Variants in CD8A observed in about 807,000 individuals in gnomAD.
CD8A encodes T-cell surface glycoprotein CD8 alpha chain.
A neutral mutation model predicts 24.2 loss-of-function variants in CD8A; 25 were observed. The observed-to-expected ratio is 1.03, with a 90% CI of 0.75 to 1.44. The LOEUF is 1.44. Ranked by LOEUF, CD8A falls within the 40% of genes most tolerant of loss-of-function variation. The probability of loss-of-function intolerance (pLI) is 0.00; values close to 1 mark genes in which losing one functional copy is unlikely to be tolerated. For missense variants in CD8A, 360 were observed against 319.7 expected (o/e 1.13, Z -0.96); for synonymous variants, 165 against 149.9 (o/e 1.10, Z -0.74).
At chr2:86,805,368 T>G (rs1266034346) in intron 2 of CD8A, among the ~76,000 whole-genome samples, 1 of 152,170 alleles carries the variant, frequency 6.6e-6, no homozygotes, top group Non-Finnish European at 1.5e-5. Flanking sequence ...TTGTGAGAAA[T>G]GACTGATTCG....
At chr2:86,803,131 G>C (rs1673728499) in intron 2 of CD8A, among the ~76,000 whole-genome samples, 1 of 152,176 alleles carries the variant, frequency 6.6e-6, no homozygotes, top group African/African-American at 2.4e-5. Flanking sequence ...TTGATGTCAA[G>C]TTAAAAGTGA....
exon 2 of CD8A, chr2:86,807,683 C>A (rs1673959199): frequency 6.5e-6 from 1 of 152,796 alleles, no homozygotes; most frequent in Admixed American, 6.5e-5. Flanking sequence ...CGGTCGCGGA[C>A]AGGCGCACGA....
At chr2:86,786,029 T>C (rs186431854) in intron 5 of CD8A, 58 bp from the exon 6 acceptor site, 1 of 1,262,558 alleles carries the variant, frequency 7.9e-7, no homozygotes, top group Non-Finnish European at 1.2e-6. Flanking sequence ...GCAGCATCCA[T>C]CCAGCCACGT....
intron 3 of CD8A, among the ~76,000 whole-genome samples, chr2:86,801,062 T>C (rs1573469914): frequency 6.6e-6 from 1 of 152,256 alleles, no homozygotes; most frequent in African/African-American, 2.4e-5. Context: ...GTGAGAAGCA[T>C]GGAACAAATT....
At chr2:86,792,985 G>A (rs1673361547), upstream of CD8A, among the ~76,000 whole-genome samples, 1 of 152,144 alleles carries the variant, frequency 6.6e-6, no homozygotes, top group South Asian at 2.1e-4. Context: ...AAAGTTCCCT[G>A]TCTCAACTCT....
chr2:86,799,658 C>A (rs566216249), intron 3 of CD8A, among the ~76,000 whole-genome samples: 1 of 151,934 alleles, frequency 6.6e-6, no homozygotes, highest in Non-Finnish European at 1.5e-5. Context: ...CGGGAGGCTG[C>A]GGCAGGAGAA....
chr2:86,808,339 T>G (rs547335786), exon 1 of CD8A: 2 of 151,904 alleles, frequency 1.3e-5, no homozygotes, highest in South Asian at 4.2e-4. Flanking sequence ...GGATCTAGAA[T>G]TCGTAGGGGA....
upstream of CD8A, among the ~76,000 whole-genome samples, chr2:86,793,746 CT>C (rs1318116401): frequency 6.6e-5 from 10 of 152,198 alleles, no homozygotes; most frequent in Admixed American, 6.5e-4. Flanking sequence ...AATCAGGCCC[CT>C]GAGTGTGATG....
rs1387089432 is a variant in CD8A at position 86,804,164 on chromosome 2, T to G, written c.-417-2507A>C. On this transcript the variant is annotated intron_variant, in intron 2 of 8. Coordinates refer to the CD8A transcript ENST00000409511. The stretch of plus-strand genomic sequence containing the variant: ...AATATGTGTGTCTTATACCATGATG[T>G]TGTATATACCTTATATATACACAAT... 2.0e-5 allele frequency among the ~76,000 whole-genome samples: 3 copies of G among 152,346 alleles called. No individual in the cohort carries two copies. The East Asian group carries it at 5.8e-4, about 29-fold the overall frequency.
chr2:86,789,442 A>T lies in CD8A; in HGVS notation c.515-9T>A. The T allele has an allele frequency of 6.2e-7, 1 of 1,600,510 alleles. No individual in the cohort carries two copies. Among genetic ancestry groups the T allele is most frequent in the East Asian group, 2.2e-5 (1 of 44,814 alleles). The stretch of plus-strand genomic sequence containing the variant: ...CAGCCCCCTCGTGTGCACTGACGAC[A>T]CCAAAGACGCCGACATTTAGGAGAG... On this transcript the variant is annotated splice_polypyrimidine_tract_variant and intron_variant, in intron 3 of 5. Coordinates refer to ENST00000283635, the MANE Select transcript of CD8A (RefSeq NM_001768.7).
At chr2:86,792,388 C>T (rs543147326), upstream of CD8A, among the ~76,000 whole-genome samples, 6 of 152,362 alleles carry the variant, frequency 3.9e-5, no homozygotes, top group East Asian at 1.2e-3. Flanking sequence ...ATGATGTGTC[C>T]TCCATCCCCA....
chr2:86,798,501 G>A (rs149820619), intron 3 of CD8A, among the ~76,000 whole-genome samples: 6 of 150,548 alleles, frequency 4.0e-5, no homozygotes, highest in Admixed American at 2.0e-4. Flanking sequence ...TATGCTTCCC[G>A]TTTGCATAAT....
Position 86,790,454 on chromosome 2 carries a change from T to G in CD8A, c.277A>C (p.Arg93=). ...GTGAGGACGAAGGTGTCCCCCAACCTCTTGCCCGAGAACCGCTGGGTGTCC... is the reference window on the plus strand; with the variant it reads ...GTGAGGACGAAGGTGTCCCCCAACCGCTTGCCCGAGAACCGCTGGGTGTCC... ...GLDTQRFSGK[R]LGDTFVLTLS... is the part of the protein sequence containing the mutation. The change falls in exon 2 of 6, where the codon AGG becomes CGG. Residue 93 remains arginine (R), a synonymous_variant. Coordinates refer to ENST00000283635, the MANE Select transcript of CD8A (RefSeq NM_001768.7). 1 of 1,614,048 alleles carries G rather than the reference T, an allele frequency of 6.2e-7. No homozygotes were observed.
At chr2:86,799,628 C>T (rs535484073) in intron 3 of CD8A, among the ~76,000 whole-genome samples, 22 of 152,190 alleles carry the variant, frequency 1.4e-4, no homozygotes, top group Non-Finnish European at 3.2e-4. Flanking sequence ...CGGTGGCGGG[C>T]GCCTGTAGTC....
At position 86,789,675 on chromosome 2, in the gene CD8A, C is replaced by T. The variant is rs750796440; in HGVS notation, c.479G>A (p.Arg160His). The change falls in exon 3 of 6, where the codon CGC (arginine) becomes CAC (histidine). Residue 160 changes from arginine (R) to histidine (H), a missense_variant. Coordinates refer to ENST00000283635, the MANE Select transcript of CD8A (RefSeq NM_001768.7). ...PTIASQPLSL[R>H]PEACRPAAGG... is the part of the protein sequence containing the mutation. ...CGCCGCTGGCCGGCACGCCTCTGGG[C>T]GCAGGGACAGGGGCTGCGACGCGAT... 3.4e-6 allele frequency: 5 copies of T among 1,466,120 alleles called. No homozygotes were observed. The highest frequency in any genetic ancestry group is 4.5e-6 in the Non-Finnish European group (5 of 1,115,828). 90.8% of individuals were successfully genotyped at this position (1,466,120 alleles called of 1,614,324 possible). A position where few individuals can be genotyped will look rare whatever the true frequency, so the allele number is the denominator to read the frequency against.
chr2:86,785,617 T>G lies in CD8A; in HGVS notation c.*303A>C. On this transcript the variant is annotated 3_prime_UTR_variant, in exon 6 of 6. Transcript: ENST00000283635. The stretch of plus-strand genomic sequence containing the variant: ...AAGAGGTTGAGATGGCATGGGTGCC[T>G]CCAGCTCTCTCAGCATGATTCTGAG... 2 of 605,584 alleles carry G rather than the reference T, an allele frequency of 3.3e-6. No homozygotes were observed. The highest frequency in any genetic ancestry group is 6.2e-6 in the Non-Finnish European group (2 of 324,338). The allele number at this position is 605,584 out of a possible 1,614,324, so 37.5% of individuals were successfully genotyped here.
chr2:86,790,587 G>C lies in CD8A; in HGVS notation c.144C>G (p.Ser48=). 1 of 1,611,892 alleles carries C rather than the reference G, an allele frequency of 6.2e-7. No individual in the cohort carries two copies. The highest frequency in any genetic ancestry group is 8.5e-7 in the Non-Finnish European group (1 of 1,179,826). Reference sequence around the variant, plus strand: ...GCCACGAGCAGCCCGACGTCGGGTTGGACAGCAGCACCTGGCACTTCAGCT... The same window carrying C: ...GCCACGAGCAGCCCGACGTCGGGTTCGACAGCAGCACCTGGCACTTCAGCT... ...TVELKCQVLL[S]NPTSGCSWLF... The change falls in exon 2 of 6, where the codon TCC becomes TCG. Residue 48 remains serine, a synonymous_variant. Transcript: ENST00000283635.
intron 2 of CD8A, 135 bp downstream of exon 2, chr2:86,790,193 T>TC (rs1335563173): frequency 1.4e-5 from 10 of 726,766 alleles, no homozygotes; most frequent in Non-Finnish European, 2.2e-5. Context: ...GTTTGCTGTG[T>TC]CTGTGAAATG....
At chr2:86,797,813 T>C (rs1345579222) in intron 3 of CD8A, among the ~76,000 whole-genome samples, 1 of 152,214 alleles carries the variant, frequency 6.6e-6, no homozygotes, top group Non-Finnish European at 1.5e-5. Flanking sequence ...GATAAAACTG[T>C]ACCCTCCCAA....
Sources: allele counts gnomAD v4.1 joint callset (sites outside exome capture counted in the v4.1 genomes callset), GRCh38; gene constraint gnomAD v4.1.1; transcripts MANE v1.5; gene names NCBI Gene and HGNC (gene_info 2026-07-23, HGNC 2026-07-21).